Variants in FOXO3 observed in about 807,000 individuals in gnomAD.
FOXO3 encodes forkhead box O3.
Under a neutral mutation model 41.9 loss-of-function variants are expected in FOXO3, and 4 were observed. The observed-to-expected ratio is 0.10, with a 90% CI of 0.05 to 0.22. The LOEUF is 0.22. FOXO3 is among the 10% of genes least tolerant of loss of function. FOXO3 has a pLI of 1.00. For synonymous variants in FOXO3, 318 were observed against 389.3 expected, an observed-to-expected ratio of 0.82 and a Z score of 2.16; for missense variants, 534 against 906.8, an observed-to-expected ratio of 0.59 and a Z score of 5.28.
intron 1 of FOXO3, among the ~76,000 whole-genome samples, chr6:108,616,484 A>G (rs1754763522): frequency 6.6e-6 from 1 of 151,670 alleles, no homozygotes; most frequent in South Asian, 2.1e-4. Flanking sequence ...TTTTAGTAGA[A>G]ATGGGGTTTC....
At chr6:108,646,123 G>T (rs1024307311) in intron 1 of FOXO3, among the ~76,000 whole-genome samples, 4 of 152,126 alleles carry the variant, frequency 2.6e-5, no homozygotes, top group Non-Finnish European at 5.9e-5. Context: ...TCTCCTCATG[G>T]TCCATCCGAA....
chr6:108,583,664 C>T (rs1776496292), intron 1 of FOXO3, among the ~76,000 whole-genome samples: 1 of 152,212 alleles, frequency 6.6e-6, no homozygotes, highest in African/African-American at 2.4e-5. Context: ...TAATGCTAAG[C>T]TCTTCTTCAG....
intron 1 of FOXO3, among the ~76,000 whole-genome samples, chr6:108,647,286 T>A (rs981669375): frequency 6.6e-6 from 1 of 152,232 alleles, no homozygotes; most frequent in African/African-American, 2.4e-5. Flanking sequence ...AAGTTGTTGC[T>A]AATAGTTCCT....
At chr6:108,588,336 T>G (rs1776642525) in intron 1 of FOXO3, among the ~76,000 whole-genome samples, 1 of 152,200 alleles carries the variant, frequency 6.6e-6, no homozygotes. Flanking sequence ...TGTTGTATTT[T>G]TTTTTTCTCA....
At chr6:108,567,132 C>T (rs753147747) in intron 1 of FOXO3, among the ~76,000 whole-genome samples, 23 of 152,160 alleles carry the variant, frequency 1.5e-4, no homozygotes, top group Admixed American at 3.3e-4. Flanking sequence ...TGCCTATTCC[C>T]GTTGCCTTTT....
intron 1 of FOXO3, among the ~76,000 whole-genome samples, chr6:108,655,741 T>C (rs1290166625): frequency 6.6e-6 from 1 of 152,236 alleles, no homozygotes; most frequent in Non-Finnish European, 1.5e-5. Flanking sequence ...GGCCTGCTCC[T>C]GAAGCTAGCT....
chr6:108,672,463 C>T (rs1402038915), intron 2 of FOXO3, among the ~76,000 whole-genome samples: 1 of 152,236 alleles, frequency 6.6e-6, no homozygotes, highest in African/African-American at 2.4e-5. Flanking sequence ...TGTAGAGCCA[C>T]TGGACACTGG....
At chr6:108,606,426 C>CT (rs1777202885) in intron 1 of FOXO3, among the ~76,000 whole-genome samples, 1 of 152,214 alleles carries the variant, frequency 6.6e-6, no homozygotes. Context: ...TATTCCTCCC[C>CT]TTCCCCCTAA....
intron 1 of FOXO3, among the ~76,000 whole-genome samples, chr6:108,587,115 T>C (rs1311039738): frequency 4.6e-5 from 7 of 151,812 alleles, no homozygotes; most frequent in Non-Finnish European, 1.0e-4. Flanking sequence ...AGCCTATTCG[T>C]TTTTAATTTC....
chr6:108,628,937 C>T (rs1777884971), intron 1 of FOXO3, among the ~76,000 whole-genome samples: 2 of 151,742 alleles, frequency 1.3e-5, no homozygotes, highest in South Asian at 2.1e-4. Flanking sequence ...TCTTTTTTTG[C>T]GAAGTGTCAT....
intron 1 of FOXO3, among the ~76,000 whole-genome samples, chr6:108,642,410 C>T (rs1778285432): frequency 6.6e-6 from 1 of 151,958 alleles, no homozygotes; most frequent in African/African-American, 2.4e-5. Flanking sequence ...AAGAAGTATA[C>T]TTAAGAGAGT....
rs1176400659 is a variant in FOXO3 at position 108,561,728 on chromosome 6, C to T, written c.520C>T (p.Pro174Ser). ...DLITRAIESSPDKRLTLSQIY... is the reference protein window; with the variant it reads ...DLITRAIESSSDKRLTLSQIY... ...GATCACCCGCGCCATCGAGAGCTCC[C>T]CGGACAAACGGCTCACTCTGTCCCA... Residue 174 changes from proline (P) to serine (S), a missense_variant, in exon 1 of 3, where the codon CCG becomes TCG. By Grantham distance (74) the Pro-to-Ser change is moderately conservative. Coordinates refer to ENST00000406360, the MANE Select transcript of FOXO3 (RefSeq NM_001455.4). 1 of 1,610,688 alleles carries T rather than the reference C, an allele frequency of 6.2e-7. No individual in the cohort carries two copies. Among genetic ancestry groups the T allele is most frequent in the Non-Finnish European group, 8.5e-7 (1 of 1,178,786 alleles).
At chr6:108,624,167 A>C (rs2022464) in intron 1 of FOXO3, among the ~76,000 whole-genome samples, 86,313 of 151,998 alleles carry the variant, frequency 0.57, 26,872 homozygotes, top group East Asian at 0.69. Flanking sequence ...CTAAGTTTGT[A>C]CACCCAGGTC....
chr6:108,575,845 A>G (rs1776246647), intron 1 of FOXO3, among the ~76,000 whole-genome samples: 1 of 152,228 alleles, frequency 6.6e-6, no homozygotes, highest in Non-Finnish European at 1.5e-5. Flanking sequence ...TTTGAGCAAG[A>G]TAATTTTAAG....
intron 1 of FOXO3, among the ~76,000 whole-genome samples, chr6:108,653,719 T>A (rs558735917): frequency 2.6e-5 from 4 of 152,360 alleles, no homozygotes; most frequent in Non-Finnish European, 1.5e-5. Flanking sequence ...GATGCATGTT[T>A]CCTATGCCCT....
At chr6:108,628,971 G>A (rs1341078480) in intron 1 of FOXO3, among the ~76,000 whole-genome samples, 1 of 152,118 alleles carries the variant, frequency 6.6e-6, no homozygotes, top group Non-Finnish European at 1.5e-5. Flanking sequence ...TTGGGCTTTA[G>A]AATCTGACAG....
At chr6:108,581,777 C>T (rs575461081) in intron 1 of FOXO3, among the ~76,000 whole-genome samples, 1 of 152,206 alleles carries the variant, frequency 6.6e-6, no homozygotes, top group Non-Finnish European at 1.5e-5. Context: ...ACTAAATCTC[C>T]CAAAGTCTTC....
chr6:108,560,949 G>C lies in FOXO3; in HGVS notation c.-260G>C. On this transcript the variant is annotated 5_prime_UTR_variant, in exon 1 of 3. Coordinates refer to ENST00000406360, the MANE Select transcript of FOXO3 (RefSeq NM_001455.4). Reference sequence around the variant, plus strand: ...GCTGCGCCAGGTTCGCTGGCCGCACGTCTTCAGGTCCTCCTGTTCCTGGGA... The same window carrying C: ...GCTGCGCCAGGTTCGCTGGCCGCACCTCTTCAGGTCCTCCTGTTCCTGGGA... 1 of 1,305,956 alleles carries C rather than the reference G, an allele frequency of 7.7e-7. No individual in the cohort carries two copies. The highest frequency in any genetic ancestry group is 9.7e-7 in the Non-Finnish European group (1 of 1,031,488). 80.9% of individuals were successfully genotyped at this position (1,305,956 alleles called of 1,614,324 possible).
At chr6:108,621,472 G>A (rs182884532) in intron 1 of FOXO3, among the ~76,000 whole-genome samples, 48 of 152,332 alleles carry the variant, frequency 3.2e-4, no homozygotes, top group African/African-American at 1.1e-3. Flanking sequence ...TCAAGTATGT[G>A]TGTAGTGCAT....
Sources: gnomAD v4.1 joint callset for allele counts (sites outside exome capture counted in the v4.1 genomes callset) on GRCh38, gnomAD v4.1.1 for gene constraint, MANE v1.5 for transcripts, NCBI Gene and HGNC (gene_info 2026-07-23, HGNC 2026-07-21) for gene names.